The following FARS2 variants were observed in gnomAD, a reference collection of about 807,000 sequenced individuals.
The protein encoded by FARS2 is phenylalanine--tRNA ligase, mitochondrial.
A neutral mutation model predicts 46.4 loss-of-function variants in FARS2; 40 were observed. The ratio of observed to expected loss-of-function variants is 0.86; its 90% CI spans 0.67 to 1.12. The LOEUF is 1.12. FARS2 is among the 50% of genes most tolerant of loss of function. FARS2 has a pLI of 0.00. For missense variants in FARS2, 513 were observed against 567.9 expected (o/e 0.90, Z 0.98); for synonymous variants, 234 against 214.9 (o/e 1.09, Z -0.78).
At chr6:5,752,594 C>A (rs904533950) in intron 6 of FARS2, among the ~76,000 whole-genome samples, 1 of 152,190 alleles carries the variant, frequency 6.6e-6, no homozygotes, top group Non-Finnish European at 1.5e-5. Context: ...CAGAGTGGAA[C>A]AGAACAGACG....
At chr6:5,574,101 A>C (rs1772817965) in intron 5 of FARS2, among the ~76,000 whole-genome samples, 1 of 152,112 alleles carries the variant, frequency 6.6e-6, no homozygotes, top group Non-Finnish European at 1.5e-5. Flanking sequence ...CTTCTCAACT[A>C]CTTCTTTATT....
chr6:5,371,736 T>A (rs1759077691), intron 2 of FARS2, among the ~76,000 whole-genome samples: 1 of 151,404 alleles, frequency 6.6e-6, no homozygotes, highest in South Asian at 2.1e-4. Context: ...ACAGTTGGAG[T>A]AGAAAAGGAG....
chr6:5,512,364 TAAAAAC>T (rs1234085741), intron 4 of FARS2, among the ~76,000 whole-genome samples: 1 of 151,952 alleles, frequency 6.6e-6, no homozygotes, highest in African/African-American at 2.4e-5. Flanking sequence ...GCAGCCAAAT[TAAAAAC>T]AAAATGAAAC....
chr6:5,289,160 A>G (rs1267903616), intron 1 of FARS2, among the ~76,000 whole-genome samples: 1 of 152,228 alleles, frequency 6.6e-6, no homozygotes, highest in Non-Finnish European at 1.5e-5. Flanking sequence ...AACATGAATC[A>G]AATTCCAGAT....
intron 6 of FARS2, among the ~76,000 whole-genome samples, chr6:5,691,888 C>A (rs1348808735): frequency 6.6e-6 from 1 of 152,208 alleles, no homozygotes; most frequent in Non-Finnish European, 1.5e-5. Flanking sequence ...TTGTCAATGG[C>A]AGGTGCCCCT....
intron 6 of FARS2, among the ~76,000 whole-genome samples, chr6:5,705,727 T>A (rs1280178324): frequency 6.6e-6 from 1 of 152,156 alleles, no homozygotes; most frequent in Non-Finnish European, 1.5e-5. Context: ...TTTGGAATGT[T>A]CCCATTTCTT....
At chr6:5,650,170 G>A (rs1285774359) in intron 6 of FARS2, among the ~76,000 whole-genome samples, 3 of 152,008 alleles carry the variant, frequency 2.0e-5, no homozygotes, top group Admixed American at 6.5e-5. Context: ...AATGTGGCAC[G>A]GTACCAGCAG....
intron 4 of FARS2, among the ~76,000 whole-genome samples, chr6:5,485,229 T>C (rs530909891): frequency 2.0e-5 from 3 of 152,282 alleles, no homozygotes; most frequent in South Asian, 2.1e-4. Context: ...GTGTCTCACT[T>C]TTCTCCTTTG....
chr6:5,551,260 C>CCT (rs1771357335), intron 5 of FARS2, among the ~76,000 whole-genome samples: 1 of 152,224 alleles, frequency 6.6e-6, no homozygotes, highest in Admixed American at 6.5e-5. Context: ...CCTCCACCTT[C>CCT]CACTAACATG....
intron 1 of FARS2, among the ~76,000 whole-genome samples, chr6:5,347,571 G>A (rs1220136153): frequency 6.6e-6 from 1 of 152,100 alleles, no homozygotes; most frequent in Non-Finnish European, 1.5e-5. Flanking sequence ...TCTGTTGATG[G>A]ATATCTGGAC....
intron 4 of FARS2, among the ~76,000 whole-genome samples, chr6:5,522,784 T>A (rs1303827270): frequency 6.6e-6 from 1 of 152,236 alleles, no homozygotes; most frequent in Non-Finnish European, 1.5e-5. Context: ...ATAGAGAAAT[T>A]GGACCTATTT....
intron 4 of FARS2, among the ~76,000 whole-genome samples, chr6:5,447,625 A>T (rs418826): frequency 0.068 from 10,372 of 152,252 alleles, 443 homozygotes; most frequent in East Asian, 0.12. Flanking sequence ...CATCATCCCT[A>T]CCTTATCCTC....
chr6:5,755,771 A>G (rs1762171964), intron 6 of FARS2, among the ~76,000 whole-genome samples: 1 of 152,116 alleles, frequency 6.6e-6, no homozygotes, highest in South Asian at 2.1e-4. Flanking sequence ...CCTTTTCCTC[A>G]GTGCTGTTTC....
chr6:5,473,040 C>T (rs1226103372), intron 4 of FARS2, among the ~76,000 whole-genome samples: 1 of 152,046 alleles, frequency 6.6e-6, no homozygotes, highest in Non-Finnish European at 1.5e-5. Flanking sequence ...TATGTTCATA[C>T]GTGGAATTAT....
intron 1 of FARS2, among the ~76,000 whole-genome samples, chr6:5,288,666 G>A (rs1426347577): frequency 6.6e-6 from 1 of 152,158 alleles, no homozygotes; most frequent in Non-Finnish European, 1.5e-5. Flanking sequence ...GCAGTATATG[G>A]AGGTGCGGAC....
At chr6:5,609,426 C>T (rs2150663178) in intron 5 of FARS2, 2 of 1,254,680 alleles carry the variant, frequency 1.6e-6, no homozygotes, top group African/African-American at 1.4e-5. Context: ...TCCACCACCT[C>T]CAAAATAGCT....
chr6:5,273,081 A>G (rs1766076911), intron 1 of FARS2, among the ~76,000 whole-genome samples: 2 of 152,140 alleles, frequency 1.3e-5, no homozygotes, highest in Admixed American at 1.3e-4. Flanking sequence ...CATTGATTCC[A>G]TATTTTGGCT....
At chr6:5,719,289 G>T (rs1759717360) in intron 6 of FARS2, among the ~76,000 whole-genome samples, 1 of 151,628 alleles carries the variant, frequency 6.6e-6, no homozygotes, top group African/African-American at 2.4e-5. Flanking sequence ...AGGCTGAGGT[G>T]GGAGGATCTC....
chr6:5,394,726 A>C (rs1760788392), intron 2 of FARS2, among the ~76,000 whole-genome samples: 1 of 151,922 alleles, frequency 6.6e-6, no homozygotes, highest in Non-Finnish European at 1.5e-5. Flanking sequence ...TTCTCTTTCA[A>C]GTGTCACTTT....
Sources: gnomAD v4.1 joint callset for allele counts (sites outside exome capture counted in the v4.1 genomes callset) on GRCh38, gnomAD v4.1.1 for gene constraint, MANE v1.5 for transcripts, NCBI Gene and HGNC (gene_info 2026-07-23, HGNC 2026-07-21) for gene names.